Variants in RIN2 observed in about 807,000 individuals in gnomAD.
RIN2 encodes Ras and Rab interactor 2, also known as RAB5 interacting protein 2.
RIN2 carries 36 observed loss-of-function variants against 78.0 expected under a neutral mutation model. The observed-to-expected ratio is 0.46, with a 90% CI of 0.35 to 0.61. RIN2 has a LOEUF of 0.61. Among genes scored for constraint, RIN2 ranks in the 20% least tolerant of loss-of-function variants. The pLI, the probability that RIN2 is intolerant of heterozygous loss-of-function variation, is 0.00. For synonymous variants in RIN2, 466 were observed against 466.8 expected, an observed-to-expected ratio of 1.00 and a Z score of 0.02; for missense variants, 1,087 against 1,159.7, an observed-to-expected ratio of 0.94 and a Z score of 0.91.
chr20:19,797,859 CTTTTTTT>C (rs750371451), intron 1 of RIN2, among the ~76,000 whole-genome samples: 1 of 128,114 alleles, frequency 7.8e-6, no homozygotes, highest in Non-Finnish European at 1.6e-5. Flanking sequence ...TCTACTTAAT[CTTTTTTT>C]TTTTTTTTTT....
chr20:19,924,289 C>T (rs2040082056), intron 3 of RIN2, among the ~76,000 whole-genome samples: 1 of 37,888 alleles, frequency 2.6e-5, no homozygotes, highest in Non-Finnish European at 4.4e-5. Context: ...ACCTTTCATA[C>T]CCCACCTCCA....
Position 19,844,590 on chromosome 20 carries a change from GCTGCTTCTTCCTCTTCTTCTTCTTCTT to G in RIN2, c.-37+44846_-37+44872del, listed in dbSNP as rs1433082421. On this transcript the variant is annotated intron_variant, in intron 2 of 12. Transcript: ENST00000255006. ...CAACTAGAGAGCTGCTGCTGCTGCT[GCTGCTTCTTCCTCTTCTTCTTCTTCTT>G]CTTCTTCTTCTTCTTCTTCTTCTTC... is the stretch of plus-strand genomic sequence containing the variant. Among the ~76,000 whole-genome samples, 268 of 84,856 alleles carry G rather than the reference GCTGCTTCTTCCTCTTCTTCTTCTTCTT, an allele frequency of 3.2e-3. 5 individuals carry two copies. Among genetic ancestry groups the G allele is most frequent in the Non-Finnish European group, 5.1e-3 (194 of 37,670 alleles). 55.7% of individuals were successfully genotyped at this position (84,856 alleles called of 152,430 possible). A position where few individuals can be genotyped will look rare whatever the true frequency, so the allele number is the denominator to read the frequency against.
chr20:19,993,467 C>T (rs530491662), intron 11 of RIN2, among the ~76,000 whole-genome samples: 2 of 152,040 alleles, frequency 1.3e-5, no homozygotes, highest in South Asian at 4.1e-4. Flanking sequence ...CTTTTCCTGT[C>T]GGAGGGACCG....
At chr20:19,916,658 G>T (rs2039697145) in intron 3 of RIN2, among the ~76,000 whole-genome samples, 1 of 152,198 alleles carries the variant, frequency 6.6e-6, no homozygotes, top group African/African-American at 2.4e-5. Context: ...ATCATCAACA[G>T]AAAGCCCTAA....
At chr20:19,851,018 G>GAAGGA in intron 2 of RIN2, among the ~76,000 whole-genome samples, 1 of 117,726 alleles carries the variant, frequency 8.5e-6, no homozygotes, top group African/African-American at 3.9e-5. Flanking sequence ...AGGAAGGAAG[G>GAAGGA]AAGGAAGGAA....
chr20:19,951,629 T>C (rs893122321), intron 4 of RIN2, among the ~76,000 whole-genome samples: 3 of 141,564 alleles, frequency 2.1e-5, no homozygotes, highest in Admixed American at 2.1e-4. Context: ...TCCTAAGTCT[T>C]TTGCCTTCTG....
At chr20:19,845,556 C>A (rs2036754048) in intron 2 of RIN2, among the ~76,000 whole-genome samples, 1 of 145,696 alleles carries the variant, frequency 6.9e-6, no homozygotes, top group Admixed American at 7.1e-5. Flanking sequence ...TCTGTTCATA[C>A]CCTTCACCTA....
intron 3 of RIN2, among the ~76,000 whole-genome samples, chr20:19,928,913 C>T (rs57965649): frequency 6.6e-6 from 1 of 152,310 alleles, no homozygotes; most frequent in African/African-American, 2.4e-5. Flanking sequence ...GAAAAACAAA[C>T]ACAGGCAATG....
chr20:19,918,905 G>A (rs73126130), intron 3 of RIN2, among the ~76,000 whole-genome samples: 2 of 152,330 alleles, frequency 1.3e-5, no homozygotes, highest in Non-Finnish European at 2.9e-5. Context: ...TATATTTGCT[G>A]TAAGAACAGC....
intron 12 of RIN2, 61 bp from the exon 13 acceptor site, chr20:20,000,552 C>A: frequency 7.4e-7 from 1 of 1,343,382 alleles, no homozygotes; most frequent in Non-Finnish European, 1.0e-6. Context: ...CCTGGTCCCC[C>A]ATCATGCTCA....
rs542436744 is a variant in RIN2, at chr20:19,897,762, A to T, written c.57+8104A>T. ...AATCTGACTCTGTTGCCCAGGCTGG[A>T]GGGCTGTGGTGTGAACATAGCTTAC... On this transcript the variant is annotated intron_variant, in intron 3 of 12. Coordinates refer to ENST00000255006, the MANE Select transcript of RIN2 (RefSeq NM_018993.4). Among the ~76,000 whole-genome samples, 44 of 150,898 alleles carry T rather than the reference A, an allele frequency of 2.9e-4. 1 individual carries two copies. In the South Asian group the frequency reaches 7.8e-3, roughly 27 times the overall value.
chr20:19,923,033 A>G (rs1008774116), intron 3 of RIN2, among the ~76,000 whole-genome samples: 15 of 152,214 alleles, frequency 9.9e-5, no homozygotes, highest in African/African-American at 3.6e-4. Context: ...TTAAGGGGTC[A>G]GATTATTTAC....
At chr20:19,967,942 G>A (rs2146289401) in intron 7 of RIN2, among the ~76,000 whole-genome samples, 1 of 152,274 alleles carries the variant, frequency 6.6e-6, no homozygotes, top group South Asian at 2.1e-4. Context: ...GACAGAAAAA[G>A]TGAAGCATGT....
At chr20:19,811,586 G>A (rs753294009) in intron 2 of RIN2, among the ~76,000 whole-genome samples, 15 of 152,166 alleles carry the variant, frequency 9.9e-5, no homozygotes, top group Non-Finnish European at 1.8e-4. Context: ...AAGAGATTTT[G>A]AGGCAAGGAA....
chr20:19,794,039 A>AG (rs1436175010), intron 1 of RIN2, among the ~76,000 whole-genome samples: 1 of 152,238 alleles, frequency 6.6e-6, no homozygotes, highest in Non-Finnish European at 1.5e-5. Context: ...TGTGAAGCTT[A>AG]GATACACTAA....
At chr20:19,824,636 G>A (rs1274208261) in intron 2 of RIN2, among the ~76,000 whole-genome samples, 1 of 152,196 alleles carries the variant, frequency 6.6e-6, no homozygotes, top group Non-Finnish European at 1.5e-5. Context: ...GATCCTCCCT[G>A]TGTGACATGG....
At chr20:19,835,071 G>T (rs1367718268) in intron 2 of RIN2, among the ~76,000 whole-genome samples, 1 of 109,792 alleles carries the variant, frequency 9.1e-6, no homozygotes, top group African/African-American at 3.2e-5. Context: ...GAGAAAAAGA[G>T]AAAGAGAAAG....
At chr20:19,838,020 A>T (rs1466250611) in intron 2 of RIN2, among the ~76,000 whole-genome samples, 1 of 152,232 alleles carries the variant, frequency 6.6e-6, no homozygotes, top group African/African-American at 2.4e-5. Flanking sequence ...TGGCTAAAAC[A>T]GTCACTTCAC....
intron 2 of RIN2, among the ~76,000 whole-genome samples, chr20:19,825,506 T>G (rs1242851206): frequency 6.6e-6 from 1 of 152,224 alleles, no homozygotes; most frequent in Non-Finnish European, 1.5e-5. Flanking sequence ...GCCCTTCAGC[T>G]AGGCCTTTTG....
Sources: allele counts gnomAD v4.1 joint callset (sites outside exome capture counted in the v4.1 genomes callset), GRCh38; gene constraint gnomAD v4.1.1; transcripts MANE v1.5; gene names NCBI Gene and HGNC (gene_info 2026-07-23, HGNC 2026-07-21).